The following ATF6 variants were observed in gnomAD, a reference collection of about 807,000 sequenced individuals.
The protein encoded by ATF6 is cyclic AMP-dependent transcription factor ATF-6 alpha.
Under a neutral mutation model 83.6 loss-of-function variants are expected in ATF6, and 53 were observed. That is an observed-to-expected ratio of 0.63 (90% CI 0.51 to 0.80). The LOEUF (loss-of-function observed/expected upper bound fraction) is 0.80. Ranked by LOEUF, ATF6 falls within the 30% of genes least tolerant of loss-of-function variation. The pLI is 0.00. For missense variants in ATF6, 744 were observed against 797.9 expected, an observed-to-expected ratio of 0.93 and a Z score of 0.81; for synonymous variants, 288 against 285.8, an observed-to-expected ratio of 1.01 and a Z score of -0.08.
chr1:161,854,209 C>T (rs1254608787), intron 12 of ATF6, among the ~76,000 whole-genome samples: 1 of 152,164 alleles, frequency 6.6e-6, no homozygotes, highest in Non-Finnish European at 1.5e-5. Context: ...CCCAAAATCT[C>T]AGTAGCTTAA....
chr1:161,878,146 T>C (rs1246232776), intron 14 of ATF6, among the ~76,000 whole-genome samples: 3 of 151,958 alleles, frequency 2.0e-5, no homozygotes, highest in Admixed American at 6.6e-5. Context: ...ACGAGTCTTA[T>C]TCCATCTCCC....
intron 15 of ATF6, among the ~76,000 whole-genome samples, chr1:161,954,598 A>C (rs1558039588): frequency 6.6e-6 from 1 of 152,150 alleles, no homozygotes; most frequent in Admixed American, 6.5e-5. Flanking sequence ...CTCCCAGCTA[A>C]CAGTCTCTTG....
At chr1:161,807,315 G>A (rs1477926562) in intron 7 of ATF6, among the ~76,000 whole-genome samples, 1 of 152,198 alleles carries the variant, frequency 6.6e-6, no homozygotes, top group Non-Finnish European at 1.5e-5. Flanking sequence ...AGACGTTGAA[G>A]TTGCTTATCT....
intron 4 of ATF6, among the ~76,000 whole-genome samples, chr1:161,787,669 G>T (rs768078266): frequency 6.6e-6 from 1 of 152,070 alleles, no homozygotes; most frequent in Non-Finnish European, 1.5e-5. Flanking sequence ...AAGTGACTAT[G>T]AATAAGTATT....
chr1:161,956,532 A>G (rs1688970669), intron 15 of ATF6, among the ~76,000 whole-genome samples: 1 of 152,246 alleles, frequency 6.6e-6, no homozygotes, highest in South Asian at 2.1e-4. Flanking sequence ...TGTAAAGATA[A>G]GTAATAGCCA....
rs933895938 is a variant in ATF6 at position 161,783,887 on chromosome 1, A to G, written c.248-103A>G. 3.0e-5 allele frequency: 24 copies of G among 801,402 alleles called. No individual in the cohort carries two copies. The African/African-American group carries it at 3.8e-4, about 13-fold the overall frequency. 49.6% of individuals were successfully genotyped at this position (801,402 alleles called of 1,614,324 possible). A position where few individuals can be genotyped will look rare whatever the true frequency, so the allele number is the denominator to read the frequency against. ...TTATATTTTGGTGACCTTAGCTTCCATATCTGATTGAATTTTAAAAGTAGA... is the reference window on the plus strand; with the variant it reads ...TTATATTTTGGTGACCTTAGCTTCCGTATCTGATTGAATTTTAAAAGTAGA... On this transcript the variant is annotated intron_variant, in intron 3 of 15. Transcript: ENST00000367942.
intron 1 of ATF6, among the ~76,000 whole-genome samples, chr1:161,777,665 G>A (rs537796836): frequency 1.3e-5 from 2 of 152,272 alleles, no homozygotes; most frequent in East Asian, 3.9e-4. Flanking sequence ...AATGTTTTCT[G>A]TATCCACATA....
intron 9 of ATF6, among the ~76,000 whole-genome samples, chr1:161,832,682 C>A (rs1686095173): frequency 6.6e-6 from 1 of 152,242 alleles, no homozygotes; most frequent in African/African-American, 2.4e-5. Context: ...TGAGATCAAA[C>A]TGCAAGGCGG....
At chr1:161,834,296 A>C (rs1387163013) in intron 9 of ATF6, among the ~76,000 whole-genome samples, 2 of 152,164 alleles carry the variant, frequency 1.3e-5, no homozygotes, top group Non-Finnish European at 2.9e-5. Flanking sequence ...AAAGGATTAT[A>C]AATCATGCTG....
At chr1:161,902,412 G>A (rs1687804405) in intron 14 of ATF6, among the ~76,000 whole-genome samples, 1 of 152,132 alleles carries the variant, frequency 6.6e-6, no homozygotes, top group South Asian at 2.1e-4. Flanking sequence ...TTATTCATTT[G>A]TTGGCTGATT....
At chr1:161,796,289 C>T (rs1208843796) in intron 6 of ATF6, among the ~76,000 whole-genome samples, 1 of 152,212 alleles carries the variant, frequency 6.6e-6, no homozygotes, top group South Asian at 2.1e-4. Context: ...ATTTACACCT[C>T]TTCTGTTCTT....
intron 14 of ATF6, among the ~76,000 whole-genome samples, chr1:161,865,664 A>G (rs1414293505): frequency 6.6e-6 from 1 of 152,192 alleles, no homozygotes; most frequent in Non-Finnish European, 1.5e-5. Context: ...CTCTCACACA[A>G]TTACTATTAG....
chr1:161,795,154 A>C (rs762992831), intron 6 of ATF6, among the ~76,000 whole-genome samples: 13 of 152,102 alleles, frequency 8.5e-5, no homozygotes, highest in Non-Finnish European at 1.5e-4. Context: ...AAAATGACAG[A>C]TGTATTCCTT....
chr1:161,793,646 A>G (rs960207277), intron 6 of ATF6, among the ~76,000 whole-genome samples: 4 of 152,232 alleles, frequency 2.6e-5, no homozygotes, highest in Admixed American at 6.5e-5. Flanking sequence ...AAATACGTCT[A>G]TACAAAAAGT....
chr1:161,933,800 C>T (rs1688481389), intron 15 of ATF6, among the ~76,000 whole-genome samples: 1 of 152,222 alleles, frequency 6.6e-6, no homozygotes, highest in Non-Finnish European at 1.5e-5. Context: ...CCTTAACCTT[C>T]CACTCCAGCA....
At chr1:161,904,044 T>C (rs73019352) in intron 14 of ATF6, among the ~76,000 whole-genome samples, 18,614 of 152,180 alleles carry the variant, frequency 0.12, 2,408 homozygotes, top group African/African-American at 0.33. Flanking sequence ...ACTTCTGTTT[T>C]AGAAGGACCT....
In ATF6 at chr1:161,855,682, C is replaced by T. The variant is rs531790017; in HGVS notation, c.1533+2359C>T. On this transcript the variant is annotated intron_variant, in intron 12 of 15. Coordinates refer to ENST00000367942, the MANE Select transcript of ATF6 (RefSeq NM_007348.4). ...AGTACTTGAAAAGGAAGAAGAGTAG[C>T]TGGCCAGTAAAATAGGAGAAATTGT... Among the ~76,000 whole-genome samples, 6 of 152,244 alleles carry T rather than the reference C, an allele frequency of 3.9e-5. No homozygotes were observed. In the East Asian group the frequency reaches 9.6e-4, roughly 24 times the overall value.
chr1:161,835,380 G>A (rs1408274305), intron 9 of ATF6, among the ~76,000 whole-genome samples: 1 of 152,070 alleles, frequency 6.6e-6, no homozygotes, highest in African/African-American at 2.4e-5. Context: ...TAAAAATATT[G>A]CTAACTGAGC....
intron 14 of ATF6, among the ~76,000 whole-genome samples, chr1:161,873,090 A>G (rs1038636609): frequency 6.6e-6 from 1 of 151,494 alleles, no homozygotes; most frequent in African/African-American, 2.4e-5. Flanking sequence ...GTTTTTGTTT[A>G]TTTGCAGTAG....
Sources: allele counts gnomAD v4.1 joint callset (sites outside exome capture counted in the v4.1 genomes callset), GRCh38; gene constraint gnomAD v4.1.1; transcripts MANE v1.5; gene names NCBI Gene and HGNC (gene_info 2026-07-23, HGNC 2026-07-21).